SERPINI2: variants seen among roughly 807,000 people sequenced by gnomAD.
SERPINI2 encodes serpin family I member 2.
Under a neutral mutation model 47.3 loss-of-function variants are expected in SERPINI2, and 48 were observed. The ratio of observed to expected loss-of-function variants is 1.02; its 90% CI spans 0.81 to 1.29. SERPINI2 has a LOEUF of 1.29. Among genes scored for constraint, SERPINI2 ranks in the 50% most tolerant of loss-of-function variants. The pLI, the probability that SERPINI2 is intolerant of heterozygous loss-of-function variation, is 0.00. For missense variants in SERPINI2, 448 were observed against 456.9 expected (o/e 0.98, Z 0.18); for synonymous variants, 135 against 149.3 (o/e 0.90, Z 0.70).
At chr3:167,474,119 C>A in exon 1 of SERPINI2, 1 of 998,884 alleles carries the variant, frequency 1.0e-6, no homozygotes, top group Non-Finnish European at 1.2e-6. Flanking sequence ...TTGACCATTG[C>A]TTGATTAATT....
At chr3:167,463,776 G>A (rs1298358661) in intron 5 of SERPINI2, among the ~76,000 whole-genome samples, 3 of 152,060 alleles carry the variant, frequency 2.0e-5, no homozygotes, top group Admixed American at 6.6e-5. Context: ...TTTTCTTTAC[G>A]ATATAGAAGA....
At chr3:167,453,655 G>GT (rs1473374469) in intron 5 of SERPINI2, among the ~76,000 whole-genome samples, 6 of 146,600 alleles carry the variant, frequency 4.1e-5, no homozygotes, top group South Asian at 2.1e-4. Context: ...AATTACAGGA[G>GT]TGGGGGGGGG....
exon 3 of SERPINI2, chr3:167,467,239 C>A (rs374731020): frequency 1.1e-5 from 18 of 1,612,628 alleles, no homozygotes; most frequent in Non-Finnish European, 1.5e-5. Context: ...CTTGTTTTTT[C>A]TCTGAGATGG....
intron 1 of SERPINI2, among the ~76,000 whole-genome samples, chr3:167,472,463 C>T (rs1750360080): frequency 6.6e-6 from 1 of 151,794 alleles, no homozygotes. Context: ...AAGTTTGAAA[C>T]AAAATGGCAA....
chr3:167,476,805 C>T (rs927572366), upstream of SERPINI2, among the ~76,000 whole-genome samples: 1 of 151,956 alleles, frequency 6.6e-6, no homozygotes, highest in Non-Finnish European at 1.5e-5. Context: ...CTAAAATAAT[C>T]TCTTATACAT....
intron 5 of SERPINI2, among the ~76,000 whole-genome samples, chr3:167,455,485 C>T (rs1030999359): frequency 3.9e-5 from 6 of 151,910 alleles, no homozygotes; most frequent in African/African-American, 1.5e-4. Flanking sequence ...GGATCAATTT[C>T]CCTCTGGGTT....
intron 5 of SERPINI2, among the ~76,000 whole-genome samples, chr3:167,462,862 T>C (rs1750024130): frequency 6.6e-6 from 1 of 152,158 alleles, no homozygotes; most frequent in Admixed American, 6.6e-5. Context: ...AGTTCAAAGT[T>C]GTCTACACTG....
At chr3:167,453,412 C>T (rs1749696280) in intron 5 of SERPINI2, among the ~76,000 whole-genome samples, 1 of 152,176 alleles carries the variant, frequency 6.6e-6, no homozygotes, top group Non-Finnish European at 1.5e-5. Context: ...AAGATGGTTC[C>T]TGGCAGATGC....
At chr3:167,475,316 A>T (rs1354060032), upstream of SERPINI2, among the ~76,000 whole-genome samples, 1 of 151,780 alleles carries the variant, frequency 6.6e-6, no homozygotes, top group African/African-American at 2.4e-5. Flanking sequence ...CAAGACTATC[A>T]TTCAATCAAT....
rs774983070 is a variant in SERPINI2, at chr3:167,442,200, A to C, written c.1142-15T>G. Reference sequence around the variant, plus strand: ...CAGAATTGATTCTAGGGAAAAAAAAACAAAAAAATATACTTTAGGAATTTC... The same window carrying C: ...CAGAATTGATTCTAGGGAAAAAAAACCAAAAAAATATACTTTAGGAATTTC... On this transcript the variant is annotated splice_polypyrimidine_tract_variant and intron_variant, in intron 8 of 8. Transcript: ENST00000264677. 36 of 1,553,364 alleles carry C rather than the reference A, an allele frequency of 2.3e-5. No individual in the cohort carries two copies. The highest frequency in any genetic ancestry group is 1.8e-4 in the Middle Eastern group (1 of 5,608).
At chr3:167,466,121 A>C (rs1200669597) in intron 3 of SERPINI2, among the ~76,000 whole-genome samples, 1 of 152,210 alleles carries the variant, frequency 6.6e-6, no homozygotes, top group African/African-American at 2.4e-5. Flanking sequence ...AGGGAAAAGA[A>C]TGGAGGATAC....
Position 167,467,037 on chromosome 3 carries a change from G to C in SERPINI2, c.478+18C>G, listed in dbSNP as rs1750153510. On this transcript the variant is annotated intron_variant, in intron 3 of 8. Coordinates refer to ENST00000264677, the Ensembl canonical transcript of SERPINI2. ...ATACAATGGCAAATAATAATTTTAT[G>C]AAAATGGGAAACTTTACCATCTGTT... 6.5e-7 allele frequency: 1 copy of C among 1,546,576 alleles called. No homozygotes were observed. Among genetic ancestry groups the C allele is most frequent in the Non-Finnish European group, 8.8e-7 (1 of 1,131,412 alleles).
At chr3:167,444,966 TTC>T (rs1378178140) in intron 8 of SERPINI2, among the ~76,000 whole-genome samples, 1 of 152,162 alleles carries the variant, frequency 6.6e-6, no homozygotes, top group African/African-American at 2.4e-5. Flanking sequence ...CTTTTTTTCT[TTC>T]TGTCTCCATA....
exon 9 of SERPINI2, chr3:167,441,965 C>A: frequency 1.8e-6 from 1 of 543,536 alleles, no homozygotes; most frequent in Non-Finnish European, 3.0e-6. Flanking sequence ...TTTACTTATT[C>A]ATCAAGACAG....
At chr3:167,448,942 G>A (rs904049509) in intron 7 of SERPINI2, among the ~76,000 whole-genome samples, 3 of 152,146 alleles carry the variant, frequency 2.0e-5, no homozygotes, top group African/African-American at 7.2e-5. Flanking sequence ...CTAACTTGGT[G>A]TAATGAAAGA....
intron 5 of SERPINI2, among the ~76,000 whole-genome samples, chr3:167,460,433 G>T (rs1035058676): frequency 6.6e-6 from 1 of 152,138 alleles, no homozygotes; most frequent in Non-Finnish European, 1.5e-5. Context: ...TGATTTTGGT[G>T]CTCAGGAAAC....
intron 5 of SERPINI2, among the ~76,000 whole-genome samples, chr3:167,457,710 C>T (rs913434775): frequency 1.3e-5 from 2 of 152,190 alleles, no homozygotes; most frequent in African/African-American, 2.4e-5. Context: ...TAGCTCTTCA[C>T]CTCAAGTAGC....
In SERPINI2 at chr3:167,447,550, A is replaced by C. The variant is rs147287595; in HGVS notation, c.1052-1069T>G. Among the ~76,000 whole-genome samples, 218 of 152,328 alleles carry C rather than the reference A, an allele frequency of 1.4e-3. 1 individual carries two copies. The highest frequency in any genetic ancestry group is 4.9e-3 in the African/African-American group (203 of 41,582). On this transcript the variant is annotated intron_variant, in intron 7 of 8. Coordinates refer to ENST00000264677, the Ensembl canonical transcript of SERPINI2. ...AGAATCCTAGAAAATTTTAGACTTA[A>C]AATGAGAGACAGTGGGCAATAACAT... is the stretch of plus-strand genomic sequence containing the variant.
At chr3:167,463,118 C>G (rs1750028789) in intron 5 of SERPINI2, among the ~76,000 whole-genome samples, 1 of 151,792 alleles carries the variant, frequency 6.6e-6, no homozygotes. Flanking sequence ...ATGTCACAGA[C>G]AGTTTTCAAA....
Sources: allele counts gnomAD v4.1 joint callset (sites outside exome capture counted in the v4.1 genomes callset), GRCh38; gene constraint gnomAD v4.1.1; transcripts MANE v1.5; gene names NCBI Gene and HGNC (gene_info 2026-07-23, HGNC 2026-07-21).